The following UMODL1 variants were observed in gnomAD, a reference collection of about 807,000 sequenced individuals.
UMODL1 encodes uromodulin like 1, also known as uromodulin-like 1.
UMODL1 carries 128 observed loss-of-function variants against 136.3 expected under a neutral mutation model. The ratio of observed to expected loss-of-function variants is 0.94; its 90% CI spans 0.81 to 1.09. UMODL1 has a LOEUF of 1.09. Ranked by LOEUF, UMODL1 falls within the 50% of genes least tolerant of loss-of-function variation. The probability of loss-of-function intolerance (pLI) is 0.00; values close to 1 mark genes in which losing one functional copy is unlikely to be tolerated. For missense variants in UMODL1, 1,766 were observed against 1,725.6 expected (o/e 1.02, Z -0.41); for synonymous variants, 721 against 720.0 (o/e 1.00, Z -0.02).
chr21:42,086,487 G>A (rs1319256439), intron 4 of UMODL1: 1 of 455,144 alleles, frequency 2.2e-6, no homozygotes, highest in South Asian at 1.6e-5. Context: ...TGCAGCCTCG[G>A]CCTTAACAGC....
At chr21:42,081,578 T>G (rs1569143357) in intron 2 of UMODL1, among the ~76,000 whole-genome samples, 3 of 152,236 alleles carry the variant, frequency 2.0e-5, no homozygotes, top group Non-Finnish European at 4.4e-5. Context: ...CCTCTGGTGA[T>G]TAGGCAACTA....
chr21:42,064,901 G>A (rs1186020205), intron 1 of UMODL1, among the ~76,000 whole-genome samples: 1 of 152,102 alleles, frequency 6.6e-6, no homozygotes, highest in Non-Finnish European at 1.5e-5. Context: ...TCAGTTTTCT[G>A]TTTCTCTGGA....
At chr21:42,129,341 A>G (rs1296597918) in intron 20 of UMODL1, among the ~76,000 whole-genome samples, 1 of 152,104 alleles carries the variant, frequency 6.6e-6, no homozygotes, top group African/African-American at 2.4e-5. Flanking sequence ...GTAAAGGGGA[A>G]CAAATGGCTG....
chr21:42,087,608 T>C (rs2066440881), intron 4 of UMODL1, among the ~76,000 whole-genome samples: 2 of 152,360 alleles, frequency 1.3e-5, no homozygotes, highest in Middle Eastern at 6.8e-3. Flanking sequence ...TGATCTCTAA[T>C]TGTCTAATTC....
chr21:42,110,606 C>T (rs2066807124), intron 10 of UMODL1, among the ~76,000 whole-genome samples: 2 of 152,216 alleles, frequency 1.3e-5, no homozygotes, highest in Non-Finnish European at 1.5e-5. Flanking sequence ...CATTCAAGCC[C>T]GGGTTTTGTA....
At chr21:42,135,285 G>T (rs117340502) in intron 21 of UMODL1, among the ~76,000 whole-genome samples, 4,852 of 152,328 alleles carry the variant, frequency 0.032, 104 homozygotes, top group Non-Finnish European at 0.049. Flanking sequence ...AGTTTTCAGG[G>T]CTTGCTCTCC....
At chr21:42,086,395 AGCTG>A (rs2066427103) in intron 4 of UMODL1, 2 of 385,228 alleles carry the variant, frequency 5.2e-6, no homozygotes, top group African/African-American at 4.1e-5. Context: ...CGTTAGACTA[AGCTG>A]GCTGGCAGCC....
At chr21:42,087,650 G>C (rs1258906276) in intron 4 of UMODL1, among the ~76,000 whole-genome samples, 3 of 152,206 alleles carry the variant, frequency 2.0e-5, no homozygotes, top group Non-Finnish European at 4.4e-5. Flanking sequence ...AGCTGCAAGA[G>C]ACCTGCAGTC....
At chr21:42,135,073 G>A (rs933470723) in intron 21 of UMODL1, among the ~76,000 whole-genome samples, 4 of 152,148 alleles carry the variant, frequency 2.6e-5, no homozygotes, top group Non-Finnish European at 5.9e-5. Flanking sequence ...CCCTCACTGG[G>A]TTATATCCCC....
chr21:42,085,248 A>G lies in UMODL1; in HGVS notation c.482-43A>G, dbSNP rs765344105. ...CACCCCAGCAGCTTTTGTGACTTCA[A>G]CCTGTCCTGGGTCCATAATCATCAG... On this transcript the variant is annotated intron_variant, in intron 3 of 22. Coordinates refer to ENST00000408910, the MANE Select transcript of UMODL1 (RefSeq NM_001004416.3). This position sits in a 1 kb window ranked among gnomAD's most constrained non-coding sequence, Gnocchi z 4.5. The G allele has an allele frequency of 1.3e-6, 2 of 1,595,550 alleles. No individual in the cohort carries two copies. The highest frequency in any genetic ancestry group is 1.7e-5 in the Admixed American group (1 of 58,740).
chr21:42,118,914 C>T (rs2066932957), intron 14 of UMODL1, among the ~76,000 whole-genome samples, 197 bp from the exon 15 acceptor site: 1 of 152,222 alleles, frequency 6.6e-6, no homozygotes, highest in African/African-American at 2.4e-5. Flanking sequence ...CTTCTCATAT[C>T]ACAGACACTC....
chr21:42,113,332 GAAACA>G (rs2146509616), intron 12 of UMODL1, among the ~76,000 whole-genome samples: 1 of 152,056 alleles, frequency 6.6e-6, no homozygotes, highest in African/African-American at 2.4e-5. Flanking sequence ...ACCATCTGCT[GAAACA>G]AAACAAAATC....
At chr21:42,093,830 C>T (rs2066521712) in intron 6 of UMODL1, 1 of 453,676 alleles carries the variant, frequency 2.2e-6, no homozygotes, top group African/African-American at 2.0e-5. Context: ...TCCAGCCCAG[C>T]TCTGCCAGCA....
chr21:42,071,371 A>G lies in UMODL1; in HGVS notation c.55A>G (p.Ser19Gly). ...GGCTCTGGTCAGTGCTGTGGGCCCAAGCCAGGCCAGCGGCTTCACAGGTGA... is the reference window on the plus strand; with the variant it reads ...GGCTCTGGTCAGTGCTGTGGGCCCAGGCCAGGCCAGCGGCTTCACAGGTGA... ...LLALVSAVGP[S>G]QASGFTEKGL... The change falls in exon 1 of 23, where the codon AGC (serine) becomes GGC (glycine). Residue 19 changes from serine to glycine, a missense_variant. Transcript: ENST00000408910. 1 of 1,594,384 alleles carries G rather than the reference A, an allele frequency of 6.3e-7. No individual in the cohort carries two copies. The highest frequency in any genetic ancestry group is 2.3e-5 in the East Asian group (1 of 42,992).
At chr21:42,095,539 C>G (rs187708943) in intron 6 of UMODL1, among the ~76,000 whole-genome samples, 2 of 152,082 alleles carry the variant, frequency 1.3e-5, no homozygotes, top group African/African-American at 4.8e-5. Flanking sequence ...TTAGGGTGTA[C>G]CTGGGAAATC....
chr21:42,133,563 T>A (rs994724841), intron 21 of UMODL1, among the ~76,000 whole-genome samples: 24 of 152,272 alleles, frequency 1.6e-4, no homozygotes, highest in Non-Finnish European at 3.2e-4. Flanking sequence ...ACAACAGAAA[T>A]CTGTTCTCTC....
chr21:42,122,720 T>C lies in UMODL1; in HGVS notation c.2828-111T>C, dbSNP rs576118096. ...GTGGCTGGAACATGCGGTTCCCAGG[T>C]GTGGCTGCTGCAGAGTGCAGGGCAG... On this transcript the variant is annotated intron_variant, in intron 16 of 22. Transcript: ENST00000408910. The surrounding 1 kb of genome is among the most constrained non-coding windows in gnomAD (Gnocchi z 4.3). 2.9e-5 allele frequency: 32 copies of C among 1,090,784 alleles called. 1 individual carries two copies. The South Asian group carries it at 4.8e-4, about 16-fold the overall frequency. 67.6% of individuals were successfully genotyped at this position (1,090,784 alleles called of 1,614,324 possible).
intron 2 of UMODL1, among the ~76,000 whole-genome samples, chr21:42,079,351 C>G (rs142513598): frequency 1.2e-4 from 19 of 152,352 alleles, no homozygotes; most frequent in Non-Finnish European, 1.8e-4. Context: ...TTGGAATCAG[C>G]CCCACTTTTA....
Position 42,119,250 on chromosome 21 carries a change from T to A in UMODL1, c.2615T>A (p.Val872Glu). 1 of 1,614,076 alleles carries A rather than the reference T, an allele frequency of 6.2e-7. No individual in the cohort carries two copies. Among genetic ancestry groups the A allele is most frequent in the South Asian group, 1.1e-5 (1 of 91,074 alleles). ...LIIADVDVQE[V>E]SAAFLTAFQT... is the part of the protein sequence containing the mutation. ...ATCGCAGATGTGGATGTCCAGGAGG[T>A]GTCAGCTGCATTTCTCACCGCCTTC... The change falls in exon 15 of 23, where the codon GTG becomes GAG. Residue 872 changes from valine to glutamate, a missense_variant. By Grantham distance (121) the Val-to-Glu change is moderately radical. Coordinates refer to ENST00000408910, the MANE Select transcript of UMODL1 (RefSeq NM_001004416.3).
Sources: allele counts gnomAD v4.1 joint callset (sites outside exome capture counted in the v4.1 genomes callset), GRCh38; gene constraint gnomAD v4.1.1; non-coding constraint Gnocchi (gnomAD v3.1); transcripts MANE v1.5; gene names NCBI Gene and HGNC (gene_info 2026-07-23, HGNC 2026-07-21).